CBFB: variants seen among roughly 807,000 people sequenced by gnomAD.
The protein encoded by CBFB is CBF-beta.
Under a neutral mutation model 30.4 loss-of-function variants are expected in CBFB, and 9 were observed. The observed-to-expected ratio is 0.30, with a 90% CI of 0.18 to 0.52. The LOEUF (loss-of-function observed/expected upper bound fraction) is 0.52, where lower values mean the gene tolerates loss of function less well. Among genes scored for constraint, CBFB ranks in the 20% least tolerant of loss-of-function variants. The pLI is 0.97. For missense variants in CBFB, 170 were observed against 244.0 expected (o/e 0.70, Z 2.02); for synonymous variants, 94 against 84.0 (o/e 1.12, Z -0.65).
intron 5 of CBFB, among the ~76,000 whole-genome samples, chr16:67,087,547 C>T (rs1284736140): frequency 6.6e-6 from 1 of 152,108 alleles, no homozygotes; most frequent in Non-Finnish European, 1.5e-5. Flanking sequence ...AGAGCAAGAC[C>T]CTGTCTCCCT....
rs117985432 is a variant in CBFB, at chr16:67,099,187, A to G, written c.*409A>G. 1,393 of 235,800 alleles carry G rather than the reference A, an allele frequency of 5.9e-3. 5 individuals are homozygous for G. The highest frequency in any genetic ancestry group is 8.0e-3 in the Non-Finnish European group (967 of 120,978). The allele number at this position is 235,800 out of a possible 1,614,324, so 14.6% of individuals were successfully genotyped here. On this transcript the variant is annotated 3_prime_UTR_variant, in exon 6 of 6. Coordinates refer to ENST00000412916, the MANE Select transcript of CBFB (RefSeq NM_022845.3). Reference sequence around the variant, plus strand: ...TCTATTTTTTTTTTTGTACTTCTAGATGTTTTGGTTATACAGCTTCATTTT... The same window carrying G: ...TCTATTTTTTTTTTTGTACTTCTAGGTGTTTTGGTTATACAGCTTCATTTT...
At chr16:67,077,619 G>A (rs1329770054) in intron 4 of CBFB, among the ~76,000 whole-genome samples, 1 of 151,994 alleles carries the variant, frequency 6.6e-6, no homozygotes, top group African/African-American at 2.4e-5. Flanking sequence ...AGTAAATGTC[G>A]ATATTTTGTG....
At chr16:67,060,984 C>T (rs1960896095) in intron 3 of CBFB, among the ~76,000 whole-genome samples, 1 of 152,130 alleles carries the variant, frequency 6.6e-6, no homozygotes. Flanking sequence ...AAGTAATATT[C>T]CATTGTATGG....
intron 5 of CBFB, among the ~76,000 whole-genome samples, chr16:67,096,916 A>ACT (rs2145788829): frequency 8.3e-6 from 1 of 120,158 alleles, no homozygotes; most frequent in East Asian, 2.3e-4. Context: ...CACTCCAGCG[A>ACT]CTCCGTCTCA....
intron 4 of CBFB, among the ~76,000 whole-genome samples, chr16:67,070,039 G>A (rs774622173): frequency 6.6e-6 from 1 of 152,120 alleles, no homozygotes. Flanking sequence ...AGGTATTAAT[G>A]TCTTTTAATT....
chr16:67,096,979 A>C (rs1172641078), intron 5 of CBFB, among the ~76,000 whole-genome samples: 1 of 152,032 alleles, frequency 6.6e-6, no homozygotes, highest in East Asian at 1.9e-4. Flanking sequence ...CATGCCTGTA[A>C]TTCCAGCACT....
intron 3 of CBFB, 141 bp downstream of exon 3, chr16:67,036,896 T>G: frequency 1.7e-6 from 1 of 598,604 alleles, no homozygotes; most frequent in Non-Finnish European, 3.0e-6. Context: ...GTTATAAGGA[T>G]GTAATATAAT....
At chr16:67,049,906 G>C (rs1170258734) in intron 3 of CBFB, among the ~76,000 whole-genome samples, 1 of 152,058 alleles carries the variant, frequency 6.6e-6, no homozygotes, top group East Asian at 1.9e-4. Flanking sequence ...TCTGGTGATA[G>C]CTTGATTTTA....
chr16:67,088,908 A>G (rs1961804829), intron 5 of CBFB, among the ~76,000 whole-genome samples: 1 of 152,222 alleles, frequency 6.6e-6, no homozygotes, highest in Non-Finnish European at 1.5e-5. Flanking sequence ...GCAGAACTCC[A>G]AGTGGTTGGT....
chr16:67,057,601 T>C (rs1960768050), intron 3 of CBFB, among the ~76,000 whole-genome samples: 1 of 152,198 alleles, frequency 6.6e-6, no homozygotes, highest in Non-Finnish European at 1.5e-5. Context: ...TTGAAATGTT[T>C]TTCAATTTAT....
chr16:67,044,342 T>C (rs1161033694), intron 3 of CBFB, among the ~76,000 whole-genome samples: 3 of 152,210 alleles, frequency 2.0e-5, no homozygotes, highest in Non-Finnish European at 4.4e-5. Context: ...TTGAATATGC[T>C]ATCTCGTTTT....
intron 2 of CBFB, among the ~76,000 whole-genome samples, chr16:67,032,530 T>G (rs1966369869): frequency 6.6e-6 from 1 of 152,218 alleles, no homozygotes; most frequent in Admixed American, 6.5e-5. Flanking sequence ...TTTCCCTCCT[T>G]TAATTCAGTG....
Position 67,046,931 on chromosome 16 carries a change from A to C in CBFB, c.282+10176A>C, listed in dbSNP as rs975476379. Among the ~76,000 whole-genome samples the C allele has an allele frequency of 2.6e-5, 4 of 152,168 alleles. No individual in the cohort carries two copies. The East Asian group carries it at 7.7e-4, about 29-fold the overall frequency. Reference sequence around the variant, plus strand: ...TTTTTATGAAAGTATGCACGTGAACAGTTGGAAAGTATTATCTGTTATAAG... The same window carrying C: ...TTTTTATGAAAGTATGCACGTGAACCGTTGGAAAGTATTATCTGTTATAAG... On this transcript the variant is annotated intron_variant, in intron 3 of 5. Coordinates refer to ENST00000412916, the MANE Select transcript of CBFB (RefSeq NM_022845.3).
At chr16:67,065,373 A>T (rs1961023727) in intron 3 of CBFB, among the ~76,000 whole-genome samples, 2 of 152,198 alleles carry the variant, frequency 1.3e-5, no homozygotes, top group African/African-American at 4.8e-5. Context: ...ATATCCTAGG[A>T]TACTTATTTT....
intron 4 of CBFB, among the ~76,000 whole-genome samples, chr16:67,075,044 G>A (rs1338447221): frequency 2.6e-5 from 4 of 152,020 alleles, no homozygotes; most frequent in African/African-American, 9.7e-5. Flanking sequence ...ACAAAAATTA[G>A]CCAGGTATGG....
At chr16:67,082,565 CTT>C (rs1487064325) in intron 5 of CBFB, among the ~76,000 whole-genome samples, 1 of 152,104 alleles carries the variant, frequency 6.6e-6, no homozygotes. Flanking sequence ...TATATTTTCT[CTT>C]AATTCATTTA....
At chr16:67,059,375 T>C (rs148885038) in intron 3 of CBFB, among the ~76,000 whole-genome samples, 262 of 152,312 alleles carry the variant, frequency 1.7e-3, no homozygotes, top group Non-Finnish European at 2.3e-3. Context: ...AGGATCTTTG[T>C]GTCTGTGAGA....
intron 5 of CBFB, among the ~76,000 whole-genome samples, chr16:67,091,272 A>C (rs1367064053): frequency 6.6e-6 from 1 of 152,252 alleles, no homozygotes; most frequent in African/African-American, 2.4e-5. Flanking sequence ...AGTTTCTAAA[A>C]ATTATTCTAT....
At chr16:67,056,063 G>A (rs1406836692) in intron 3 of CBFB, among the ~76,000 whole-genome samples, 1 of 152,160 alleles carries the variant, frequency 6.6e-6, no homozygotes, top group Non-Finnish European at 1.5e-5. Context: ...CATTGTCAGG[G>A]AAAAAACAGC....
Sources: allele counts gnomAD v4.1 joint callset (sites outside exome capture counted in the v4.1 genomes callset), GRCh38; gene constraint gnomAD v4.1.1; transcripts MANE v1.5; gene names NCBI Gene and HGNC (gene_info 2026-07-23, HGNC 2026-07-21).